PPP4R2: variants seen among roughly 807,000 people sequenced by gnomAD.
The protein encoded by PPP4R2 is serine/threonine-protein phosphatase 4 regulatory subunit 2.
PPP4R2 carries 13 observed loss-of-function variants against 47.2 expected under a neutral mutation model. The observed-to-expected ratio is 0.28, with a 90% CI of 0.18 to 0.44. PPP4R2 has a LOEUF of 0.44. PPP4R2 is among the 20% of genes least tolerant of loss of function. PPP4R2 has a pLI of 1.00. For synonymous variants in PPP4R2, 151 were observed against 163.3 expected (o/e 0.92, Z 0.57); for missense variants, 421 against 491.2 (o/e 0.86, Z 1.35).
chr3:73,022,235 T>C (rs1393277469), intron 2 of PPP4R2, among the ~76,000 whole-genome samples: 1 of 152,162 alleles, frequency 6.6e-6, no homozygotes, highest in Admixed American at 6.6e-5. Flanking sequence ...TTTATCAGCA[T>C]TGGCCTGTAC....
rs1003207493 is a variant in PPP4R2 at position 73,067,730 on chromosome 3, C to T, written c.*2008C>T. 1.3e-5 allele frequency: 2 copies of T among 151,718 alleles called. No homozygotes were observed. The highest frequency in any genetic ancestry group is 2.4e-5 in the African/African-American group (1 of 41,158). The allele number at this position is 151,718 out of a possible 1,614,324, so 9.4% of individuals were successfully genotyped here. ...GACCATTTGTAAACAAATTGATTTA[C>T]TTTTGTTGGTTGTAAGTTGAAGATT... On this transcript the variant is annotated 3_prime_UTR_variant, in exon 9 of 9. Coordinates refer to ENST00000356692, the MANE Select transcript of PPP4R2 (RefSeq NM_174907.4).
intron 2 of PPP4R2, among the ~76,000 whole-genome samples, chr3:73,003,395 T>C (rs952470487): frequency 6.6e-6 from 1 of 152,094 alleles, no homozygotes; most frequent in Non-Finnish European, 1.5e-5. Flanking sequence ...GTGTTTTTAG[T>C]AGAGACGGGG....
chr3:73,030,849 G>A (rs1446423516), intron 2 of PPP4R2, among the ~76,000 whole-genome samples: 4 of 151,826 alleles, frequency 2.6e-5, no homozygotes, highest in African/African-American at 4.8e-5. Context: ...TTACAAGCAC[G>A]CGCCACCATG....
At position 73,015,598 on chromosome 3, in the gene PPP4R2, C is replaced by G. The variant is rs541118062; in HGVS notation, c.116+17440C>G. ...TCGAGCGATTCTTCTACCTCAGCCT[C>G]TCGATTAGCTGGCACTACAGGCGTG... On this transcript the variant is annotated intron_variant, in intron 2 of 8. Coordinates refer to ENST00000356692, the MANE Select transcript of PPP4R2 (RefSeq NM_174907.4). 5.5e-3 allele frequency among the ~76,000 whole-genome samples: 832 copies of G among 151,562 alleles called. 10 individuals carry two copies. Among genetic ancestry groups the G allele is most frequent in the African/African-American group, 0.019 (783 of 41,302 alleles).
intron 5 of PPP4R2, chr3:73,061,343 G>A (rs1702854516): frequency 5.3e-6 from 1 of 189,692 alleles, no homozygotes; most frequent in African/African-American, 2.3e-5. Flanking sequence ...GCCCTGAGAT[G>A]CCATTCTAGA....
At chr3:73,049,499 A>G (rs1331371408) in intron 3 of PPP4R2, among the ~76,000 whole-genome samples, 1 of 151,096 alleles carries the variant, frequency 6.6e-6, no homozygotes, top group Non-Finnish European at 1.5e-5. Context: ...ACTCCATCTC[A>G]AAAAAAAAGA....
At chr3:73,058,774 C>T (rs1302527052) in intron 3 of PPP4R2, among the ~76,000 whole-genome samples, 7 of 151,334 alleles carry the variant, frequency 4.6e-5, no homozygotes, top group African/African-American at 1.7e-4. Flanking sequence ...TTTTTGTACC[C>T]GTTAACCATT....
At chr3:73,009,652 C>T (rs1701683145) in intron 2 of PPP4R2, among the ~76,000 whole-genome samples, 1 of 152,118 alleles carries the variant, frequency 6.6e-6, no homozygotes, top group South Asian at 2.1e-4. Context: ...ATTTATAGTC[C>T]ACAGAGCACC....
At chr3:73,042,335 C>T (rs555594813) in intron 2 of PPP4R2, among the ~76,000 whole-genome samples, 38 of 145,750 alleles carry the variant, frequency 2.6e-4, no homozygotes, top group African/African-American at 9.3e-4. Flanking sequence ...TGCGCATGGC[C>T]TGTTTTTTGT....
At chr3:73,054,833 A>G (rs993199792) in intron 3 of PPP4R2, among the ~76,000 whole-genome samples, 1 of 152,176 alleles carries the variant, frequency 6.6e-6, no homozygotes, top group Non-Finnish European at 1.5e-5. Context: ...ATAGAAATTT[A>G]GGTTAAAATA....
At position 72,996,846 on chromosome 3, in the gene PPP4R2, G is replaced by T. The variant is rs905546529; in HGVS notation, c.-192G>T. 9.9e-6 allele frequency: 4 copies of T among 402,422 alleles called. No homozygotes were observed. The East Asian group carries it at 1.1e-4, about 11-fold the overall frequency. 24.9% of individuals were successfully genotyped at this position (402,422 alleles called of 1,614,324 possible). Reference sequence around the variant, plus strand: ...TTGGAGGGTTGGTGGTAGCGGCTTGGGGAGGTGCTCGCTCTGTCGGTCTTG... The same window carrying T: ...TTGGAGGGTTGGTGGTAGCGGCTTGTGGAGGTGCTCGCTCTGTCGGTCTTG... On this transcript the variant is annotated 5_prime_UTR_variant, in exon 1 of 9. Transcript: ENST00000356692.
At chr3:73,004,331 G>A (rs532045917) in intron 2 of PPP4R2, among the ~76,000 whole-genome samples, 6 of 152,226 alleles carry the variant, frequency 3.9e-5, no homozygotes, top group South Asian at 4.1e-4. Flanking sequence ...ATGAGCCACC[G>A]TGCCTGGCAT....
intron 2 of PPP4R2, among the ~76,000 whole-genome samples, chr3:73,004,232 G>A (rs1701547120): frequency 1.3e-5 from 2 of 151,234 alleles, no homozygotes; most frequent in African/African-American, 2.4e-5. Flanking sequence ...TTGAGCATGG[G>A]GTCTCGCTAT....
In PPP4R2 at chr3:73,004,793, A is replaced by G. The variant is rs62251770; in HGVS notation, c.116+6635A>G. 4.0e-5 allele frequency among the ~76,000 whole-genome samples: 6 copies of G among 151,594 alleles called. No homozygotes were observed. In the East Asian group the frequency reaches 7.8e-4, roughly 20 times the overall value. ...TTTTTTTTACCTTATAAACTGCCCA[A>G]TCTTTTTGCCTACCTTCCTAAAAGA... On this transcript the variant is annotated intron_variant, in intron 2 of 8. Transcript: ENST00000356692.
chr3:73,024,078 G>C (rs931140422), intron 2 of PPP4R2, among the ~76,000 whole-genome samples: 5 of 152,060 alleles, frequency 3.3e-5, no homozygotes, highest in African/African-American at 1.2e-4. Context: ...TTATAGATAT[G>C]ATTGGCTGAA....
At chr3:73,006,710 G>T (rs1701617449) in intron 2 of PPP4R2, among the ~76,000 whole-genome samples, 1 of 152,158 alleles carries the variant, frequency 6.6e-6, no homozygotes, top group African/African-American at 2.4e-5. Context: ...AGCAAGACCT[G>T]CTTCGTCTTT....
At chr3:73,032,587 T>A (rs529327745) in intron 2 of PPP4R2, among the ~76,000 whole-genome samples, 1 of 152,136 alleles carries the variant, frequency 6.6e-6, no homozygotes, top group Non-Finnish European at 1.5e-5. Flanking sequence ...GTGCCCAGCC[T>A]ACCTTCCTAT....
chr3:73,015,637 A>T (rs1346312735), intron 2 of PPP4R2, among the ~76,000 whole-genome samples: 3 of 141,130 alleles, frequency 2.1e-5, no homozygotes, highest in Admixed American at 1.4e-4. Context: ...CACCATGCCC[A>T]GCTTTTTTTT....
chr3:73,015,794 T>A (rs1486898484), intron 2 of PPP4R2: 2 of 446,154 alleles, frequency 4.5e-6, no homozygotes, highest in Admixed American at 4.8e-5. Flanking sequence ...CCCGCCACCA[T>A]GCCCGATTAA....
Sources: allele counts gnomAD v4.1 joint callset (sites outside exome capture counted in the v4.1 genomes callset), GRCh38; gene constraint gnomAD v4.1.1; transcripts MANE v1.5; gene names NCBI Gene and HGNC (gene_info 2026-07-23, HGNC 2026-07-21).